The following PKNOX2 variants were observed in gnomAD, a reference collection of about 807,000 sequenced individuals.
PKNOX2 encodes the protein homeobox protein PKNOX2.
In PKNOX2, 14 loss-of-function variants were observed where a neutral mutation model predicts 53.1. The observed-to-expected ratio is 0.26, with a 90% confidence interval of 0.17 to 0.41. The LOEUF is 0.41. PKNOX2 is among the 10% of genes least tolerant of loss of function. PKNOX2 has a pLI of 1.00. For missense variants in PKNOX2, 496 were observed against 602.8 expected, an observed-to-expected ratio of 0.82 and a Z score of 1.85; for synonymous variants, 257 against 242.8, an observed-to-expected ratio of 1.06 and a Z score of -0.54.
Position 125,351,332 on chromosome 11 carries a change from C to A in PKNOX2, c.27C>A (p.Pro9=), listed in dbSNP as rs746362105. Residue 9 remains proline, a synonymous_variant, in exon 4 of 13, where the codon CCC becomes CCA. Transcript: ENST00000298282. The stretch of plus-strand genomic sequence containing the variant: ...TGATGCAACATGCCTCCCCAGCCCC[C>A]GCTCTGACGATGATGGCCACGCAGA... MMQHASPA[P]ALTMMATQNV... is the part of the protein sequence containing the mutation. 1.9e-6 allele frequency: 3 copies of A among 1,608,568 alleles called. No individual in the cohort carries two copies. The highest frequency in any genetic ancestry group is 1.1e-5 in the South Asian group (1 of 90,272).
chr11:125,368,824 T>A (rs1952342928), intron 5 of PKNOX2, among the ~76,000 whole-genome samples: 1 of 152,168 alleles, frequency 6.6e-6, no homozygotes, highest in Non-Finnish European at 1.5e-5. Flanking sequence ...TGAATGAGGC[T>A]CCTACAGGGA....
At chr11:125,196,005 C>T (rs534567608) in intron 1 of PKNOX2, among the ~76,000 whole-genome samples, 14 of 152,252 alleles carry the variant, frequency 9.2e-5, no homozygotes, top group Non-Finnish European at 2.1e-4. Context: ...CCTCCCCCAC[C>T]ACTTAGGTGG....
At chr11:125,386,046 G>A (rs1027050370) in intron 6 of PKNOX2, among the ~76,000 whole-genome samples, 7 of 152,222 alleles carry the variant, frequency 4.6e-5, no homozygotes, top group African/African-American at 9.6e-5. Context: ...TAGCTGTTCT[G>A]AGTCCTGGAG....
At position 125,189,415 on chromosome 11, in the gene PKNOX2, G is replaced by A. The variant is rs12800897; in HGVS notation, c.-201+24639G>A. 4.4e-3 allele frequency among the ~76,000 whole-genome samples: 253 copies of A among 58,140 alleles called. 2 individuals carry two copies. The highest frequency in any genetic ancestry group is 0.025 in the Middle Eastern group (3 of 122). 38.1% of individuals were successfully genotyped at this position (58,140 alleles called of 152,430 possible). A position where few individuals can be genotyped will look rare whatever the true frequency, so the allele number is the denominator to read the frequency against. ...TATATATATGTGTGTATATATATAT[G>A]TGTGTGTGTGTGTGTGTGTGTGTGT... On this transcript the variant is annotated intron_variant, in intron 1 of 12. Transcript: ENST00000298282.
At chr11:125,253,501 C>T (rs1944165724) in intron 2 of PKNOX2, among the ~76,000 whole-genome samples, 2 of 152,126 alleles carry the variant, frequency 1.3e-5, no homozygotes, top group Non-Finnish European at 2.9e-5. Context: ...TGCACGTGTC[C>T]TTCAGGGTCC....
At chr11:125,204,217 C>T (rs1938795243) in intron 1 of PKNOX2, among the ~76,000 whole-genome samples, 1 of 152,134 alleles carries the variant, frequency 6.6e-6, no homozygotes, top group African/African-American at 2.4e-5. Context: ...GGCTTGGTGG[C>T]AAGTTGGGTA....
chr11:125,401,163 G>C, intron 7 of PKNOX2, among the ~76,000 whole-genome samples: 1 of 152,136 alleles, frequency 6.6e-6, no homozygotes, highest in Non-Finnish European at 1.5e-5. Flanking sequence ...AAATATGCAG[G>C]GTCAACATTC....
intron 2 of PKNOX2, among the ~76,000 whole-genome samples, chr11:125,276,919 A>G (rs1946199934): frequency 6.6e-6 from 1 of 152,190 alleles, no homozygotes; most frequent in South Asian, 2.1e-4. Flanking sequence ...GACTAAGACA[A>G]TGCAAGGAGA....
chr11:125,253,005 G>T (rs186216804), intron 2 of PKNOX2, among the ~76,000 whole-genome samples: 1 of 152,172 alleles, frequency 6.6e-6, no homozygotes, highest in African/African-American at 2.4e-5. Flanking sequence ...AGGGTCAAAG[G>T]CTACCTCTTC....
chr11:125,430,063 A>C lies in PKNOX2; in HGVS notation c.1114A>C (p.Thr372Pro), dbSNP rs1013494597. 1 of 1,614,132 alleles carries C rather than the reference A, an allele frequency of 6.2e-7. No individual in the cohort carries two copies. ...GAAGATCAAGTCTCAGCACCGGCCC[A>C]CCCAAAGATTCTGGCCCAACTCCAT... ...AKKIKSQHRP[T>P]QRFWPNSIAA... The change falls in exon 12 of 13, where the codon ACC becomes CCC. Residue 372 changes from threonine (T) to proline (P), a missense_variant. By Grantham distance (38) the Thr-to-Pro change is conservative. Transcript: ENST00000298282.
chr11:125,175,236 G>C (rs949480424), intron 1 of PKNOX2, among the ~76,000 whole-genome samples: 2 of 146,082 alleles, frequency 1.4e-5, no homozygotes, highest in African/African-American at 5.1e-5. Context: ...AGGAAGGAAG[G>C]AAGGAAGGAA....
Position 125,253,838 on chromosome 11 carries a change from G to A in PKNOX2, c.-130+18723G>A, listed in dbSNP as rs78742550. Among the ~76,000 whole-genome samples the A allele has an allele frequency of 2.1e-3, 326 of 152,236 alleles. 1 individual carries two copies. The highest frequency in any genetic ancestry group is 3.7e-3 in the Non-Finnish European group (250 of 68,008). ...CCCTTCATCGCAGGAGCAGCCAGGCGTCTAGATATGCCCCAGATTGGACTC... is the reference window on the plus strand; with the variant it reads ...CCCTTCATCGCAGGAGCAGCCAGGCATCTAGATATGCCCCAGATTGGACTC... On this transcript the variant is annotated intron_variant, in intron 2 of 12. Coordinates refer to ENST00000298282, the MANE Select transcript of PKNOX2 (RefSeq NM_001382323.2).
At chr11:125,377,033 A>G (rs1029114984) in intron 5 of PKNOX2, among the ~76,000 whole-genome samples, 1 of 152,226 alleles carries the variant, frequency 6.6e-6, no homozygotes, top group East Asian at 1.9e-4. Flanking sequence ...GTCAGTGGAG[A>G]TGGGAATATA....
rs562587368 is a variant in PKNOX2 at position 125,221,958 on chromosome 11, A to G, written c.-200-13087A>G. Reference sequence around the variant, plus strand: ...TGCGTACCTGAGGCAGAGACCTAACACAGTTGGGAAGAAATCAAATGCGTA... The same window carrying G: ...TGCGTACCTGAGGCAGAGACCTAACGCAGTTGGGAAGAAATCAAATGCGTA... On this transcript the variant is annotated intron_variant, in intron 1 of 12. Transcript: ENST00000298282. 5.9e-5 allele frequency among the ~76,000 whole-genome samples: 9 copies of G among 152,292 alleles called. No homozygotes were observed. In the South Asian group the frequency reaches 1.9e-3, roughly 32 times the overall value.
In PKNOX2 at chr11:125,183,258, G is replaced by A. The variant is rs1334127559; in HGVS notation, c.-201+18482G>A. Among the ~76,000 whole-genome samples the A allele has an allele frequency of 5.5e-5, 6 of 110,034 alleles. 2 individuals carry two copies. Among genetic ancestry groups the A allele is most frequent in the African/African-American group, 1.1e-4 (3 of 28,032 alleles). 72.2% of individuals were successfully genotyped at this position (110,034 alleles called of 152,430 possible). A position where few individuals can be genotyped will look rare whatever the true frequency, so the allele number is the denominator to read the frequency against. ...GGAGTCTCACTCTGTCGCCCAGGTC[G>A]GACTGCGGACTGCAGTGGTGCAATC... On this transcript the variant is annotated intron_variant, in intron 1 of 12. Coordinates refer to ENST00000298282, the MANE Select transcript of PKNOX2 (RefSeq NM_001382323.2).
At chr11:125,347,878 T>C (rs1056992805) in intron 3 of PKNOX2, among the ~76,000 whole-genome samples, 1 of 152,210 alleles carries the variant, frequency 6.6e-6, no homozygotes, top group Admixed American at 6.5e-5. Flanking sequence ...AATCTCTCCA[T>C]GGGAGATGCT....
chr11:125,223,282 T>A (rs1941396021), intron 1 of PKNOX2, among the ~76,000 whole-genome samples: 1 of 151,982 alleles, frequency 6.6e-6, no homozygotes, highest in Non-Finnish European at 1.5e-5. Context: ...TAGGCTGGAA[T>A]GCAATGGCGC....
intron 3 of PKNOX2, among the ~76,000 whole-genome samples, chr11:125,339,067 G>A (rs954451129): frequency 2.0e-5 from 3 of 152,204 alleles, no homozygotes; most frequent in Non-Finnish European, 4.4e-5. Context: ...GCCAGCACAT[G>A]ACTAAAGTTT....
At chr11:125,274,375 G>T (rs1483570189) in intron 2 of PKNOX2, among the ~76,000 whole-genome samples, 1 of 152,120 alleles carries the variant, frequency 6.6e-6, no homozygotes, top group African/African-American at 2.4e-5. Flanking sequence ...CTCGCTGAGG[G>T]GTTGTGTTCC....
Sources: gnomAD v4.1 joint callset for allele counts (sites outside exome capture counted in the v4.1 genomes callset) on GRCh38, gnomAD v4.1.1 for gene constraint, MANE v1.5 for transcripts, NCBI Gene and HGNC (gene_info 2026-07-23, HGNC 2026-07-21) for gene names.